Variants in WNT3 observed in about 807,000 individuals in gnomAD.
WNT3 encodes the protein proto-oncogene Wnt-3.
WNT3 carries 7 observed loss-of-function variants against 34.2 expected under a neutral mutation model. The ratio of observed to expected loss-of-function variants is 0.20; its 90% CI spans 0.12 to 0.38. The LOEUF is 0.38. Among genes scored for constraint, WNT3 ranks in the 10% least tolerant of loss-of-function variants. The pLI is 1.00. For missense variants in WNT3, 267 were observed against 499.8 expected (o/e 0.53, Z 4.44); for synonymous variants, 212 against 211.5 (o/e 1.00, Z -0.02).
Position 46,784,987 on chromosome 17 carries a change from C to T in WNT3, c.81-11078G>A, listed in dbSNP as rs189980975. On this transcript the variant is annotated intron_variant, in intron 1 of 4. Coordinates refer to ENST00000225512, the MANE Select transcript of WNT3 (RefSeq NM_030753.5). Reference sequence around the variant, plus strand: ...AGAGACGGGGTTTCACTGTGTTAGCCAGGATGGTCTCGATCTCCTGACCTC... The same window carrying T: ...AGAGACGGGGTTTCACTGTGTTAGCTAGGATGGTCTCGATCTCCTGACCTC... Among the ~76,000 whole-genome samples, 355 of 152,216 alleles carry T rather than the reference C, an allele frequency of 2.3e-3. 1 individual carries two copies. Among genetic ancestry groups the T allele is most frequent in the African/African-American group, 7.5e-3 (313 of 41,540 alleles).
At chr17:46,815,414 C>T (rs1028853360) in intron 1 of WNT3, among the ~76,000 whole-genome samples, 5 of 152,096 alleles carry the variant, frequency 3.3e-5, no homozygotes, top group African/African-American at 9.7e-5. Flanking sequence ...CTTGAGGGTC[C>T]GCGTGGACAG....
chr17:46,774,350 ACGCG>A (rs752128701), intron 1 of WNT3, among the ~76,000 whole-genome samples: 1 of 152,102 alleles, frequency 6.6e-6, no homozygotes, highest in African/African-American at 2.4e-5. Flanking sequence ...CTCATGGGAC[ACGCG>A]CGCGCGCGCA....
chr17:46,781,440 A>T (rs1000898170), intron 1 of WNT3, among the ~76,000 whole-genome samples: 8 of 152,162 alleles, frequency 5.3e-5, no homozygotes, highest in Admixed American at 2.0e-4. Flanking sequence ...TGAAATTCTG[A>T]TGCAAGCTAC....
At chr17:46,796,580 G>C (rs1041386074) in intron 1 of WNT3, among the ~76,000 whole-genome samples, 1 of 152,242 alleles carries the variant, frequency 6.6e-6, no homozygotes, top group African/African-American at 2.4e-5. Context: ...GGGGCACACA[G>C]AGAGGCAAGC....
intron 1 of WNT3, among the ~76,000 whole-genome samples, chr17:46,814,175 A>C (rs936380544): frequency 1.3e-5 from 2 of 152,166 alleles, no homozygotes; most frequent in Non-Finnish European, 2.9e-5. Context: ...GACTCCACCC[A>C]TCTCTCACCT....
intron 1 of WNT3, among the ~76,000 whole-genome samples, chr17:46,807,269 T>C (rs529046060): frequency 2.6e-5 from 4 of 152,186 alleles, no homozygotes; most frequent in Non-Finnish European, 5.9e-5. Context: ...GATCACTTGA[T>C]GTCAGGAGTT....
At chr17:46,791,760 T>C (rs145112309) in intron 1 of WNT3, among the ~76,000 whole-genome samples, 167 of 152,328 alleles carry the variant, frequency 1.1e-3, no homozygotes, top group African/African-American at 3.3e-3. Context: ...AATCTCTCTC[T>C]CTGGCATGGT....
chr17:46,774,160 G>A (rs1310734368), intron 1 of WNT3, among the ~76,000 whole-genome samples: 1 of 152,256 alleles, frequency 6.6e-6, no homozygotes, highest in Non-Finnish European at 1.5e-5. Flanking sequence ...GCTTGTGGGG[G>A]CCCTTGGGGG....
chr17:46,785,848 G>A (rs1484372634), intron 1 of WNT3, among the ~76,000 whole-genome samples: 1 of 152,222 alleles, frequency 6.6e-6, no homozygotes, highest in African/African-American at 2.4e-5. Context: ...GAAAAGGGAA[G>A]GGAGGGAAGG....
chr17:46,782,510 AAAGGT>A (rs1425151665), intron 1 of WNT3, among the ~76,000 whole-genome samples: 14 of 152,214 alleles, frequency 9.2e-5, no homozygotes. Context: ...AAGGGAAAGG[AAAGGT>A]TTGAGGAAAG....
intron 2 of WNT3, among the ~76,000 whole-genome samples, chr17:46,771,692 G>A (rs1252195829): frequency 1.4e-5 from 2 of 143,014 alleles, no homozygotes; most frequent in Non-Finnish European, 3.1e-5. Context: ...GGCGGCTCCC[G>A]CGGCCGGGCC....
rs1451593990 is a variant in WNT3, at chr17:46,762,538, TAAC to T, written c.*2089_*2091del. ...TTTGTTTACCTTCTCTTTAATGACT[TAAC>T]AGAAAAAAACTGCATGATGAAATAT... is the stretch of plus-strand genomic sequence containing the variant. On this transcript the variant is annotated 3_prime_UTR_variant, in exon 5 of 5. Transcript: ENST00000225512. The T allele has an allele frequency of 6.6e-6, 1 of 151,552 alleles. No homozygotes were observed. Among genetic ancestry groups the T allele is most frequent in the Non-Finnish European group, 1.5e-5 (1 of 67,932 alleles). The allele number at this position is 151,552 out of a possible 1,614,324, so 9.4% of individuals were successfully genotyped here. A position where few individuals can be genotyped will look rare whatever the true frequency, so the allele number is the denominator to read the frequency against.
intron 1 of WNT3, among the ~76,000 whole-genome samples, chr17:46,804,197 C>T (rs563322104): frequency 6.6e-6 from 1 of 152,220 alleles, no homozygotes; most frequent in Non-Finnish European, 1.5e-5. Context: ...AAGCGATTCT[C>T]CTGCCTCAGC....
intron 1 of WNT3, among the ~76,000 whole-genome samples, chr17:46,790,601 C>G (rs1391405068): frequency 3.3e-5 from 5 of 152,154 alleles, no homozygotes; most frequent in African/African-American, 1.2e-4. Flanking sequence ...ACCAGTCCCT[C>G]CAAGTTGTTA....
At chr17:46,793,595 G>A (rs2084016402) in intron 1 of WNT3, among the ~76,000 whole-genome samples, 1 of 152,210 alleles carries the variant, frequency 6.6e-6, no homozygotes, top group African/African-American at 2.4e-5. Context: ...AGGCATTTGT[G>A]TGTGAGACAG....
intron 1 of WNT3, among the ~76,000 whole-genome samples, chr17:46,777,188 C>T (rs368534020): frequency 1.3e-5 from 2 of 151,910 alleles, no homozygotes; most frequent in East Asian, 1.9e-4. Context: ...CCAGCTTGGG[C>T]GACAGAGCGA....
Position 46,780,872 on chromosome 17 carries a change from CAA to C in WNT3, c.81-6965_81-6964del, listed in dbSNP as rs1209975292. Among the ~76,000 whole-genome samples, 4 of 152,260 alleles carry C rather than the reference CAA, an allele frequency of 2.6e-5. No individual in the cohort carries two copies. In the East Asian group the frequency reaches 7.7e-4, roughly 29 times the overall value. The stretch of plus-strand genomic sequence containing the variant: ...CAGCAGCCAAAAGGTAGAGACAACC[CAA>C]GAGTCCTCAGCAGATGAATGGATAA... On this transcript the variant is annotated intron_variant, in intron 1 of 4. Transcript: ENST00000225512.
intron 1 of WNT3, among the ~76,000 whole-genome samples, chr17:46,807,039 T>A (rs2084206738): frequency 6.6e-6 from 1 of 151,990 alleles, no homozygotes; most frequent in African/African-American, 2.4e-5. Flanking sequence ...GGGGTGGACA[T>A]AGTCATTGGC....
At chr17:46,789,187 C>A (rs1342041728) in intron 1 of WNT3, among the ~76,000 whole-genome samples, 1 of 152,192 alleles carries the variant, frequency 6.6e-6, no homozygotes, top group Admixed American at 6.5e-5. Flanking sequence ...CCATTCTCCT[C>A]TTTATGGGGG....
Sources: gnomAD v4.1 joint callset for allele counts (sites outside exome capture counted in the v4.1 genomes callset) on GRCh38, gnomAD v4.1.1 for gene constraint, MANE v1.5 for transcripts, NCBI Gene and HGNC (gene_info 2026-07-23, HGNC 2026-07-21) for gene names.